Variants in CSMD1 observed in about 807,000 individuals in gnomAD.
CSMD1 encodes the protein CUB and sushi domain-containing protein 1.
A neutral mutation model predicts 417.5 loss-of-function variants in CSMD1; 213 were observed. That is an observed-to-expected ratio of 0.51 (90% CI 0.46 to 0.57). The LOEUF is 0.57. CSMD1 is among the 20% of genes least tolerant of loss of function. The pLI, the probability that CSMD1 is intolerant of heterozygous loss-of-function variation, is 0.00. For synonymous variants in CSMD1, 2,862 were observed against 1,736.8 expected (o/e 1.65, Z -16.11); for missense variants, 6,923 against 4,529.7 (o/e 1.53, Z -15.17).
At chr8:4,362,728 A>G (rs1031322822) in intron 3 of CSMD1, among the ~76,000 whole-genome samples, 2 of 152,172 alleles carry the variant, frequency 1.3e-5, no homozygotes, top group East Asian at 1.9e-4. Flanking sequence ...CTTTCTTTAC[A>G]TTGTTGTGTA....
chr8:4,833,065 C>A (rs1185179612), intron 1 of CSMD1, among the ~76,000 whole-genome samples: 2 of 152,154 alleles, frequency 1.3e-5, no homozygotes, highest in African/African-American at 4.8e-5. Flanking sequence ...AAAGTATATA[C>A]CACTTGCCAA....
intron 2 of CSMD1, among the ~76,000 whole-genome samples, chr8:4,536,441 A>G (rs867460730): frequency 2.6e-5 from 4 of 152,134 alleles, no homozygotes; most frequent in Admixed American, 6.5e-5. Context: ...AGCCATTTGT[A>G]TACGTGAAGT....
chr8:4,627,735 C>G (rs1747996909), intron 2 of CSMD1, among the ~76,000 whole-genome samples: 1 of 152,132 alleles, frequency 6.6e-6, no homozygotes, highest in Admixed American at 6.6e-5. Context: ...TTGCTCCCCT[C>G]AGCCAGTTCC....
chr8:3,003,734 G>A (rs1384557058), intron 52 of CSMD1, among the ~76,000 whole-genome samples: 2 of 152,208 alleles, frequency 1.3e-5, no homozygotes, highest in African/African-American at 4.8e-5. Flanking sequence ...CTGGGAACGA[G>A]TGGAAGGAAC....
At chr8:3,732,430 T>C (rs1796320454) in intron 6 of CSMD1, among the ~76,000 whole-genome samples, 1 of 152,130 alleles carries the variant, frequency 6.6e-6, no homozygotes, top group Non-Finnish European at 1.5e-5. Flanking sequence ...AACCAAGTCA[T>C]ACTGGAAGGA....
intron 5 of CSMD1, among the ~76,000 whole-genome samples, chr8:3,947,459 C>G (rs1811309866): frequency 6.6e-6 from 1 of 152,124 alleles, no homozygotes; most frequent in South Asian, 2.1e-4. Flanking sequence ...TTTCTGTTTT[C>G]GTTTCATCCA....
intron 1 of CSMD1, among the ~76,000 whole-genome samples, chr8:4,651,992 G>A (rs1472474133): frequency 1.3e-5 from 2 of 152,166 alleles, no homozygotes; most frequent in East Asian, 1.9e-4. Context: ...AATGAAAGGA[G>A]ACTCAATTAG....
At chr8:4,482,629 T>C (rs1413573182) in intron 2 of CSMD1, among the ~76,000 whole-genome samples, 3 of 152,208 alleles carry the variant, frequency 2.0e-5, no homozygotes, top group African/African-American at 4.8e-5. Context: ...GATTGCTGGA[T>C]TGAATGTTAT....
intron 2 of CSMD1, among the ~76,000 whole-genome samples, chr8:4,526,848 C>T (rs1796538568): frequency 6.6e-6 from 1 of 151,922 alleles, no homozygotes; most frequent in Non-Finnish European, 1.5e-5. Flanking sequence ...TTTTTTCTCC[C>T]CCCAAGAAGA....
At chr8:4,164,602 T>C (rs1471174227) in intron 3 of CSMD1, among the ~76,000 whole-genome samples, 3 of 152,214 alleles carry the variant, frequency 2.0e-5, no homozygotes, top group African/African-American at 7.2e-5. Flanking sequence ...TAGTAATTTA[T>C]TTAGGTACCT....
intron 3 of CSMD1, among the ~76,000 whole-genome samples, chr8:4,283,135 C>T (rs1796880980): frequency 6.6e-6 from 1 of 152,150 alleles, no homozygotes; most frequent in Non-Finnish European, 1.5e-5. Flanking sequence ...TGGATAAAAA[C>T]ACTCAATTGT....
chr8:4,151,294 T>G (rs3849825), intron 3 of CSMD1, among the ~76,000 whole-genome samples: 48,096 of 152,160 alleles, frequency 0.32, 9,484 homozygotes, highest in Non-Finnish European at 0.43. Flanking sequence ...TGTAAATCAT[T>G]TGCCTTGTTA....
At chr8:3,470,302 G>A (rs1302848157) in intron 11 of CSMD1, among the ~76,000 whole-genome samples, 1 of 152,098 alleles carries the variant, frequency 6.6e-6, no homozygotes, top group Non-Finnish European at 1.5e-5. Flanking sequence ...AGAATTTATA[G>A]TGTATAAACA....
At chr8:3,624,115 C>T (rs539358183) in intron 7 of CSMD1, among the ~76,000 whole-genome samples, 56 of 152,156 alleles carry the variant, frequency 3.7e-4, no homozygotes, top group African/African-American at 1.2e-3. Flanking sequence ...TTAAAAGTTG[C>T]CTTCCTTTCA....
rs573177923 is a variant in CSMD1 at position 4,155,410 on chromosome 8, C to A, written c.416-123311G>T. Among the ~76,000 whole-genome samples the A allele has an allele frequency of 1.7e-4, 26 of 152,250 alleles. 1 individual carries two copies. The South Asian group carries it at 4.4e-3, about 26-fold the overall frequency. ...ATCACATTCCTTTTACTTTATAAAT[C>A]AGAACTTGCCTCTGTTTGGCAGGAA... On this transcript the variant is annotated intron_variant, in intron 3 of 69. Coordinates refer to ENST00000635120, the MANE Select transcript of CSMD1 (RefSeq NM_033225.6).
chr8:3,208,885 T>C (rs1222271522), intron 30 of CSMD1, among the ~76,000 whole-genome samples: 4 of 152,198 alleles, frequency 2.6e-5, no homozygotes, highest in Non-Finnish European at 2.9e-5. Flanking sequence ...GAATGGCTCT[T>C]CTTGTTCCTC....
chr8:4,708,366 TTGTTC>T (rs1414951741), intron 1 of CSMD1, among the ~76,000 whole-genome samples: 2 of 152,206 alleles, frequency 1.3e-5, no homozygotes, highest in Non-Finnish European at 2.9e-5. Flanking sequence ...AACATCTGTC[TTGTTC>T]ATTATTCTGT....
At chr8:3,223,647 A>G (rs1798334076) in intron 28 of CSMD1, 82 bp downstream of exon 28, 4 of 1,404,630 alleles carry the variant, frequency 2.8e-6, no homozygotes, top group Admixed American at 1.8e-5. Context: ...AACATTAGAG[A>G]CTATGAGGTC....
intron 3 of CSMD1, among the ~76,000 whole-genome samples, chr8:4,229,087 G>T (rs1188662115): frequency 1.3e-5 from 2 of 152,178 alleles, no homozygotes; most frequent in African/African-American, 4.8e-5. Context: ...GATTCCTGAT[G>T]CACTCCCAAG....
Sources: gnomAD v4.1 joint callset for allele counts (sites outside exome capture counted in the v4.1 genomes callset) on GRCh38, gnomAD v4.1.1 for gene constraint, MANE v1.5 for transcripts, NCBI Gene and HGNC (gene_info 2026-07-23, HGNC 2026-07-21) for gene names.